YPEL5: variants seen among roughly 807,000 people sequenced by gnomAD.
The protein encoded by YPEL5 is protein yippee-like 5.
A neutral mutation model predicts 10.5 loss-of-function variants in YPEL5; 1 was observed. The ratio of observed to expected loss-of-function variants is 0.10; its 90% CI spans 0.03 to 0.45. The LOEUF is 0.45. Ranked by LOEUF, YPEL5 falls within the 20% of genes least tolerant of loss-of-function variation. YPEL5 has a pLI of 0.97. For synonymous variants in YPEL5, 61 were observed against 56.6 expected (o/e 1.08, Z -0.35); for missense variants, 68 against 159.3 (o/e 0.43, Z 3.09).
intron 1 of YPEL5, among the ~76,000 whole-genome samples, chr2:30,151,009 T>C (rs1675761621): frequency 6.6e-6 from 1 of 152,120 alleles, no homozygotes; most frequent in Admixed American, 6.5e-5. Context: ...AAGTACAAAA[T>C]TCATTCTCAG....
At chr2:30,154,887 C>G (rs1014299449) in intron 1 of YPEL5, among the ~76,000 whole-genome samples, 1 of 152,252 alleles carries the variant, frequency 6.6e-6, no homozygotes, top group African/African-American at 2.4e-5. Flanking sequence ...TACAGGCGTG[C>G]GCCACCACGT....
chr2:30,155,660 G>A (rs1316019055), intron 1 of YPEL5, among the ~76,000 whole-genome samples: 1 of 152,186 alleles, frequency 6.6e-6, no homozygotes, highest in African/African-American at 2.4e-5. Context: ...TTAAGAACTT[G>A]CATATAGTAA....
chr2:30,157,644 G>A (rs893585611), intron 2 of YPEL5, among the ~76,000 whole-genome samples: 1 of 152,054 alleles, frequency 6.6e-6, no homozygotes, highest in African/African-American at 2.4e-5. Flanking sequence ...TCTGCCTCCC[G>A]GAATCTGGTA....
At position 30,159,444 on chromosome 2, in the gene YPEL5, C is replaced by T. The variant is rs1052253110; in HGVS notation, c.*601C>T. On this transcript the variant is annotated 3_prime_UTR_variant, in exon 3 of 3. Coordinates refer to ENST00000261353, the MANE Select transcript of YPEL5 (RefSeq NM_016061.3). ...GTCACCATTCCTAGTTATTTGTCAC[C>T]ACATAATTGGTGTTGATTGGAAACT... 1.3e-5 allele frequency: 2 copies of T among 152,814 alleles called. No homozygotes were observed. The highest frequency in any genetic ancestry group is 4.8e-5 in the African/African-American group (2 of 41,428). The allele number at this position is 152,814 out of a possible 1,614,324, so 9.5% of individuals were successfully genotyped here. A position where few individuals can be genotyped will look rare whatever the true frequency, so the allele number is the denominator to read the frequency against.
At chr2:30,155,253 A>G (rs1335470040) in intron 1 of YPEL5, among the ~76,000 whole-genome samples, 1 of 152,150 alleles carries the variant, frequency 6.6e-6, no homozygotes, top group Non-Finnish European at 1.5e-5. Context: ...TATATTCACC[A>G]TTTGTTTTTT....
rs1479537875 is a variant in YPEL5 at position 30,158,827 on chromosome 2, C to T, written c.350C>T (p.Pro117Leu). The T allele has an allele frequency of 1.2e-6, 2 of 1,614,134 alleles. No homozygotes were observed. The highest frequency in any genetic ancestry group is 1.1e-5 in the South Asian group (1 of 91,074). Reference sequence around the variant, plus strand: ...AGTGAGGGCTTTGAGGAGCATGTACCATCTGATAACTCTTGAAGATACAGA... The same window carrying T: ...AGTGAGGGCTTTGAGGAGCATGTACTATCTGATAACTCTTGAAGATACAGA... The part of the protein sequence containing the change: ...RESEGFEEHV[P>L]SDNS The change falls in exon 3 of 3, where the codon CCA becomes CTA. Residue 117 changes from proline (P) to leucine (L), a missense_variant. This residue lies in a region of YPEL5 where 20 missense variants were observed against 21.0 expected (regional missense o/e 0.95). Transcript: ENST00000261353.
chr2:30,148,609 G>A (rs919335553), intron 1 of YPEL5: 12 of 152,174 alleles, frequency 7.9e-5, no homozygotes, highest in East Asian at 1.9e-4. Context: ...CAAAAGTCGT[G>A]GACAAAGTCG....
chr2:30,155,234 C>G (rs1201860365), intron 1 of YPEL5, among the ~76,000 whole-genome samples: 10 of 152,196 alleles, frequency 6.6e-5, no homozygotes, highest in Admixed American at 6.5e-4. Flanking sequence ...ACTAGCTGCA[C>G]ATTGTCATTA....
At chr2:30,156,269 T>G (rs1021707403) in intron 1 of YPEL5, 8 of 184,498 alleles carry the variant, frequency 4.3e-5, no homozygotes, top group Non-Finnish European at 8.1e-5. Flanking sequence ...ACATTTATGC[T>G]AAACCTTTTT....
chr2:30,151,622 C>T (rs1215519131), intron 1 of YPEL5, among the ~76,000 whole-genome samples: 1 of 152,040 alleles, frequency 6.6e-6, no homozygotes, highest in African/African-American at 2.4e-5. Flanking sequence ...ATAACCTGGA[C>T]CTACAAGAAA....
chr2:30,156,485 C>G, intron 1 of YPEL5, 143 bp from the exon 2 acceptor site: 1 of 729,450 alleles, frequency 1.4e-6, no homozygotes. Flanking sequence ...TCTTTTTGTT[C>G]AGGATCAGCT....
At chr2:30,154,122 G>A (rs1375456475) in intron 1 of YPEL5, among the ~76,000 whole-genome samples, 1 of 152,156 alleles carries the variant, frequency 6.6e-6, no homozygotes, top group Non-Finnish European at 1.5e-5. Flanking sequence ...AGTCTTAAGG[G>A]AAATTGGCTT....
chr2:30,157,308 TG>T (rs1676086941), intron 2 of YPEL5, among the ~76,000 whole-genome samples: 1 of 149,236 alleles, frequency 6.7e-6, no homozygotes, highest in African/African-American at 2.5e-5. Flanking sequence ...TATAAAGAAG[TG>T]TGATCTCTGT....
At chr2:30,153,425 C>G (rs767663395) in intron 1 of YPEL5, among the ~76,000 whole-genome samples, 47 of 152,254 alleles carry the variant, frequency 3.1e-4, no homozygotes, top group South Asian at 1.9e-3. Context: ...GATAGTAATC[C>G]CATTTTTGAG....
chr2:30,149,336 C>G (rs1675667957), intron 1 of YPEL5, among the ~76,000 whole-genome samples: 1 of 152,152 alleles, frequency 6.6e-6, no homozygotes, highest in African/African-American at 2.4e-5. Flanking sequence ...GATTCCACAA[C>G]AGGACATCAT....
At position 30,159,818 on chromosome 2, in the gene YPEL5, A is replaced by G. The variant is rs1676206330; in HGVS notation, c.*975A>G. 1.3e-5 allele frequency: 2 copies of G among 152,456 alleles called. No individual in the cohort carries two copies. The highest frequency in any genetic ancestry group is 1.9e-4 in the East Asian group (1 of 5,196). The allele number at this position is 152,456 out of a possible 1,614,324, so 9.4% of individuals were successfully genotyped here. ...AAGGGGGAAATGAAGCAACTTGTCTAAAAATACTGCTTTACAAAGCATTTC... is the reference window on the plus strand; with the variant it reads ...AAGGGGGAAATGAAGCAACTTGTCTGAAAATACTGCTTTACAAAGCATTTC... On this transcript the variant is annotated 3_prime_UTR_variant, in exon 3 of 3. Coordinates refer to ENST00000261353, the MANE Select transcript of YPEL5 (RefSeq NM_016061.3).
intron 1 of YPEL5, among the ~76,000 whole-genome samples, chr2:30,149,952 G>A (rs565143844): frequency 2.0e-4 from 31 of 152,328 alleles, no homozygotes; most frequent in African/African-American, 6.5e-4. Context: ...TATGAGATGC[G>A]AATAGATACC....
rs1676197576 is a variant in YPEL5 at position 30,159,634 on chromosome 2, T to C, written c.*791T>C. The C allele has an allele frequency of 6.6e-6, 1 of 152,412 alleles. No homozygotes were observed. The highest frequency in any genetic ancestry group is 2.4e-5 in the African/African-American group (1 of 41,462). The allele number at this position is 152,412 out of a possible 1,614,324, so 9.4% of individuals were successfully genotyped here. A position where few individuals can be genotyped will look rare whatever the true frequency, so the allele number is the denominator to read the frequency against. ...AAGCAATTTTCATAGTAGTAAAGTT[T>C]TTTTTCATCTCTTAAACTAAATTGA... is the stretch of plus-strand genomic sequence containing the variant. On this transcript the variant is annotated 3_prime_UTR_variant, in exon 3 of 3. Coordinates refer to ENST00000261353, the MANE Select transcript of YPEL5 (RefSeq NM_016061.3).
chr2:30,149,770 C>G (rs1675697451), intron 1 of YPEL5, among the ~76,000 whole-genome samples: 1 of 152,246 alleles, frequency 6.6e-6, no homozygotes, highest in Non-Finnish European at 1.5e-5. Context: ...CTGCAGCAGT[C>G]TTTGTACCTT....
Sources: gnomAD v4.1 joint callset for allele counts (sites outside exome capture counted in the v4.1 genomes callset) on GRCh38, gnomAD v4.1.1 for gene constraint, gnomAD v4.1.1 regional missense constraint, MANE v1.5 for transcripts, NCBI Gene and HGNC (gene_info 2026-07-23, HGNC 2026-07-21) for gene names.